RTF2: variants seen among roughly 807,000 people sequenced by gnomAD.
RTF2 encodes replication termination factor 2.
A neutral mutation model predicts 38.0 loss-of-function variants in RTF2; 18 were observed. The observed-to-expected ratio is 0.47, with a 90% CI of 0.33 to 0.70. RTF2 has a LOEUF of 0.70. Among genes scored for constraint, RTF2 ranks in the 30% least tolerant of loss-of-function variants. The pLI, the probability that RTF2 is intolerant of heterozygous loss-of-function variation, is 0.02. For synonymous variants in RTF2, 126 were observed against 137.1 expected, an observed-to-expected ratio of 0.92 and a Z score of 0.57; for missense variants, 311 against 379.6, an observed-to-expected ratio of 0.82 and a Z score of 1.50.
intron 5 of RTF2, among the ~76,000 whole-genome samples, chr20:56,498,051 A>G (rs572105394): frequency 2.6e-5 from 4 of 152,266 alleles, no homozygotes; most frequent in African/African-American, 9.6e-5. Flanking sequence ...CTGTAGTTTT[A>G]CTTTGCATTT....
intron 4 of RTF2, 116 bp from the exon 5 acceptor site, chr20:56,483,995 T>C (rs1357576145): frequency 2.7e-6 from 2 of 727,822 alleles, no homozygotes; most frequent in Non-Finnish European, 4.5e-6. Flanking sequence ...ATTTTTTTAA[T>C]AGAGTAAAAT....
intron 5 of RTF2, among the ~76,000 whole-genome samples, chr20:56,512,861 G>A (rs1056406679): frequency 1.3e-5 from 2 of 152,182 alleles, no homozygotes; most frequent in African/African-American, 4.8e-5. Context: ...TGCAACACGT[G>A]TGATGTTTTT....
intron 5 of RTF2, among the ~76,000 whole-genome samples, chr20:56,508,184 A>G (rs1984406362): frequency 6.6e-6 from 1 of 152,216 alleles, no homozygotes; most frequent in African/African-American, 2.4e-5. Flanking sequence ...TGTTGGAGAC[A>G]AGAACCACAT....
At chr20:56,476,183 A>G (rs904656062) in intron 3 of RTF2, among the ~76,000 whole-genome samples, 1 of 152,218 alleles carries the variant, frequency 6.6e-6, no homozygotes. Context: ...TTTTCTGGCT[A>G]ATATTCTGCC....
At chr20:56,496,952 G>A in intron 5 of RTF2, 3 of 1,551,366 alleles carry the variant, frequency 1.9e-6, no homozygotes, top group Non-Finnish European at 2.6e-6. Flanking sequence ...TTCTGATGTA[G>A]TGTATGATTT....
chr20:56,509,886 T>C (rs1984528384), intron 5 of RTF2, among the ~76,000 whole-genome samples: 1 of 152,168 alleles, frequency 6.6e-6, no homozygotes, highest in Non-Finnish European at 1.5e-5. Context: ...CTCTGTCAGC[T>C]GATTCATAGA....
rs1017018948 is a variant in RTF2, at chr20:56,518,343, C to T, written c.*78C>T. ...GCAGGTCGCTTTGTGCCTCTGAGTG[C>T]GCTGCTGTGTGTTCTCTCTATAGTT... On this transcript the variant is annotated 3_prime_UTR_variant, in exon 9 of 9. Coordinates refer to ENST00000357348, the MANE Select transcript of RTF2 (RefSeq NM_016407.5). 82 of 1,369,046 alleles carry T rather than the reference C, an allele frequency of 6.0e-5. No individual in the cohort carries two copies. Among genetic ancestry groups the T allele is most frequent in the South Asian group, 2.3e-4 (17 of 75,192 alleles). The allele number at this position is 1,369,046 out of a possible 1,614,324, so 84.8% of individuals were successfully genotyped here.
intron 4 of RTF2, among the ~76,000 whole-genome samples, chr20:56,481,207 G>C (rs913318767): frequency 3.9e-5 from 6 of 152,190 alleles, no homozygotes; most frequent in African/African-American, 1.4e-4. Context: ...GTGGGGCAAA[G>C]CATCTCGAGT....
intron 5 of RTF2, 69 bp from the exon 6 acceptor site, chr20:56,513,246 G>T: frequency 6.5e-7 from 1 of 1,539,076 alleles, no homozygotes; most frequent in East Asian, 2.5e-5. Flanking sequence ...GGCTGAGAGT[G>T]GGGGACTGAA....
intron 5 of RTF2, chr20:56,495,298 C>G (rs1427118560): frequency 6.4e-7 from 1 of 1,550,688 alleles, no homozygotes; most frequent in African/African-American, 1.4e-5. Context: ...CCTGGAGCAT[C>G]TAAGAGGAAA....
intron 6 of RTF2, 132 bp from the exon 7 acceptor site, chr20:56,516,803 C>G: frequency 1.3e-6 from 1 of 780,790 alleles, no homozygotes; most frequent in East Asian, 2.4e-5. Flanking sequence ...AAGCCTTCTT[C>G]AGAGTGACTG....
chr20:56,482,617 A>G (rs984830620), intron 4 of RTF2, among the ~76,000 whole-genome samples: 2 of 152,278 alleles, frequency 1.3e-5, no homozygotes, highest in African/African-American at 4.8e-5. Context: ...AAAGAAAAAT[A>G]GCTTCCTAAT....
At chr20:56,476,502 C>CTTTT (rs11472534) in intron 3 of RTF2, among the ~76,000 whole-genome samples, 2 of 142,288 alleles carry the variant, frequency 1.4e-5, no homozygotes, top group Non-Finnish European at 1.5e-5. Flanking sequence ...TTTCTGTTTT[C>CTTTT]TTTTTTTTTT....
At chr20:56,504,874 C>T (rs1984163162) in intron 5 of RTF2, among the ~76,000 whole-genome samples, 1 of 152,242 alleles carries the variant, frequency 6.6e-6, no homozygotes, top group African/African-American at 2.4e-5. Flanking sequence ...TTCACCTGCT[C>T]ATGGGGTGCC....
chr20:56,477,675 G>A (rs1261573808), intron 4 of RTF2, among the ~76,000 whole-genome samples: 2 of 151,608 alleles, frequency 1.3e-5, no homozygotes, highest in Non-Finnish European at 2.9e-5. Context: ...AAGCCACCAC[G>A]CCCGGCCACT....
intron 4 of RTF2, among the ~76,000 whole-genome samples, chr20:56,482,407 T>C (rs1033085236): frequency 6.6e-6 from 1 of 152,274 alleles, no homozygotes; most frequent in Non-Finnish European, 1.5e-5. Context: ...AAAAAGTCTG[T>C]GCATGTTCAA....
chr20:56,516,835 C>T (rs894669762), intron 6 of RTF2, 100 bp from the exon 7 acceptor site: 9 of 982,976 alleles, frequency 9.2e-6, no homozygotes, highest in Admixed American at 3.8e-5. Flanking sequence ...TGACTAGCAT[C>T]GGTCAGTCAG....
intron 4 of RTF2, among the ~76,000 whole-genome samples, chr20:56,481,983 C>T (rs141453690): frequency 2.4e-4 from 36 of 152,304 alleles, no homozygotes; most frequent in East Asian, 5.8e-4. Flanking sequence ...AATGGGGTCT[C>T]GAGTAGGAGT....
chr20:56,518,213 G>T lies in RTF2; in HGVS notation c.869G>T (p.Arg290Leu). 1 of 1,614,094 alleles carries T rather than the reference G, an allele frequency of 6.2e-7. No individual in the cohort carries two copies. Among genetic ancestry groups the T allele is most frequent in the East Asian group, 2.2e-5 (1 of 44,866 alleles). The stretch of plus-strand genomic sequence containing the variant: ...TTTACCACTCACAGCTCCGCCAAGC[G>T]CTCCAAGGAGGAGTCTGCCCACTGG... ...SLFTTHSSAK[R>L]SKEESAHWVT... Residue 290 changes from arginine to leucine, a missense_variant, in exon 9 of 9, where the codon CGC becomes CTC. Arg to Leu is a moderately radical substitution (Grantham distance 102). Transcript: ENST00000357348.
Sources: gnomAD v4.1 joint callset for allele counts (sites outside exome capture counted in the v4.1 genomes callset) on GRCh38, gnomAD v4.1.1 for gene constraint, MANE v1.5 for transcripts, NCBI Gene and HGNC (gene_info 2026-07-23, HGNC 2026-07-21) for gene names.